The following EGFLAM variants were observed in gnomAD, a reference collection of about 807,000 sequenced individuals.
EGFLAM encodes the protein EGF like, fibronectin type III and laminin G domains.
EGFLAM carries 79 observed loss-of-function variants against 113.1 expected under a neutral mutation model. The observed-to-expected ratio is 0.70, with a 90% CI of 0.58 to 0.84. The LOEUF (loss-of-function observed/expected upper bound fraction) is 0.84. Among genes scored for constraint, EGFLAM ranks in the 40% least tolerant of loss-of-function variants. The pLI, the probability that EGFLAM is intolerant of heterozygous loss-of-function variation, is 0.00. For synonymous variants in EGFLAM, 504 were observed against 487.6 expected (o/e 1.03, Z -0.44); for missense variants, 1,265 against 1,291.6 (o/e 0.98, Z 0.32).
intron 14 of EGFLAM, among the ~76,000 whole-genome samples, chr5:38,427,964 C>T (rs1318957934): frequency 1.9e-4 from 29 of 152,124 alleles, no homozygotes; most frequent in Non-Finnish European, 2.9e-5. Flanking sequence ...TTCCTTGGAG[C>T]CTGTAGTTGG....
intron 9 of EGFLAM, 109 bp from the exon 10 acceptor site, chr5:38,408,895 G>C (rs1741379013): frequency 1.1e-6 from 1 of 904,580 alleles, no homozygotes; most frequent in African/African-American, 1.7e-5. Context: ...TTGTAGATAG[G>C]ATCGTGGAGG....
intron 5 of EGFLAM, among the ~76,000 whole-genome samples, chr5:38,366,190 G>C (rs947539553): frequency 2.6e-5 from 4 of 152,150 alleles, no homozygotes; most frequent in African/African-American, 7.2e-5. Context: ...TGGGTCTAGA[G>C]CAACTTCTGC....
intron 20 of EGFLAM, among the ~76,000 whole-genome samples, chr5:38,458,695 T>G (rs536030872): frequency 1.3e-5 from 2 of 152,234 alleles, no homozygotes; most frequent in African/African-American, 4.8e-5. Flanking sequence ...TTAAAGAATG[T>G]TTGGGCCGGG....
In EGFLAM at chr5:38,448,325, C is replaced by T. The variant is rs1008245666; in HGVS notation, c.2489C>T (p.Pro830Leu). 15 of 1,613,980 alleles carry T rather than the reference C, an allele frequency of 9.3e-6. No homozygotes were observed. Among genetic ancestry groups the T allele is most frequent in the East Asian group, 2.2e-5 (1 of 44,898 alleles). The change falls in exon 18 of 22, where the codon CCG becomes CTG. Residue 830 changes from proline (P) to leucine (L), a missense_variant. Transcript: ENST00000322350. ...QKAIIEAIEIPQFIGRSYLTY... is the reference protein window; with the variant it reads ...QKAIIEAIEILQFIGRSYLTY... Reference sequence around the variant, plus strand: ...GCGATCATAGAAGCCATTGAGATCCCGCAGTTTATCGGCCGCAGTTACCTG... The same window carrying T: ...GCGATCATAGAAGCCATTGAGATCCTGCAGTTTATCGGCCGCAGTTACCTG...
intron 6 of EGFLAM, among the ~76,000 whole-genome samples, chr5:38,386,570 A>G (rs747472076): frequency 6.6e-6 from 1 of 151,938 alleles, no homozygotes; most frequent in African/African-American, 2.4e-5. Flanking sequence ...GCAGTGGCAC[A>G]GTCTTGGCTC....
At chr5:38,440,440 G>T (rs1323066562) in intron 17 of EGFLAM, among the ~76,000 whole-genome samples, 2 of 152,164 alleles carry the variant, frequency 1.3e-5, no homozygotes, top group African/African-American at 2.4e-5. Context: ...GGTACCAATT[G>T]TGGGCAGTTG....
intron 6 of EGFLAM, among the ~76,000 whole-genome samples, chr5:38,392,155 G>A (rs866754435): frequency 3.3e-5 from 5 of 151,958 alleles, no homozygotes; most frequent in African/African-American, 4.8e-5. Context: ...TTTCTTCTTC[G>A]TGTTCATAAG....
chr5:38,329,452 T>C (rs1296223792), intron 1 of EGFLAM, among the ~76,000 whole-genome samples: 1 of 152,184 alleles, frequency 6.6e-6, no homozygotes, highest in East Asian at 1.9e-4. Context: ...CTGGGCCACC[T>C]CTCACTCACC....
chr5:38,296,895 G>A (rs926048344), intron 1 of EGFLAM, among the ~76,000 whole-genome samples: 1 of 152,008 alleles, frequency 6.6e-6, no homozygotes, highest in African/African-American at 2.4e-5. Context: ...AGGCACTTCT[G>A]TGGTATTCCT....
At chr5:38,463,794 C>A in intron 21 of EGFLAM, 38 bp from the exon 22 acceptor site, 2 of 1,606,948 alleles carry the variant, frequency 1.2e-6, no homozygotes, top group Non-Finnish European at 1.7e-6. Flanking sequence ...GGACACCTGT[C>A]CTTTGGCTCA....
At chr5:38,356,314 C>T (rs1197927256) in intron 5 of EGFLAM, among the ~76,000 whole-genome samples, 1 of 152,186 alleles carries the variant, frequency 6.6e-6, no homozygotes, top group African/African-American at 2.4e-5. Context: ...TCTCAGAACC[C>T]CTATTTCCTC....
chr5:38,456,012 G>A (rs935298429), intron 19 of EGFLAM, among the ~76,000 whole-genome samples: 2 of 152,116 alleles, frequency 1.3e-5, no homozygotes, highest in Admixed American at 6.6e-5. Context: ...TTTCACACAT[G>A]GCTAGTCTTC....
chr5:38,450,465 A>G (rs1483010562), intron 18 of EGFLAM, among the ~76,000 whole-genome samples: 3 of 152,222 alleles, frequency 2.0e-5, no homozygotes, highest in African/African-American at 4.8e-5. Context: ...TGAGACAGAC[A>G]GAGGGATGGC....
At chr5:38,338,656 G>C (rs767191216) in intron 2 of EGFLAM, 42 bp from the exon 3 acceptor site, 3 of 1,591,030 alleles carry the variant, frequency 1.9e-6, no homozygotes, top group Non-Finnish European at 2.6e-6. Context: ...TCTTACACAA[G>C]CACGGGCTCT....
intron 15 of EGFLAM, among the ~76,000 whole-genome samples, chr5:38,432,303 G>A (rs1487089615): frequency 6.6e-6 from 1 of 152,132 alleles, no homozygotes; most frequent in Non-Finnish European, 1.5e-5. Context: ...TACTTGACTG[G>A]AGAGAGAAGA....
At chr5:38,328,405 C>T (rs555729794) in intron 1 of EGFLAM, among the ~76,000 whole-genome samples, 57 of 152,150 alleles carry the variant, frequency 3.7e-4, no homozygotes, top group Non-Finnish European at 7.1e-4. Flanking sequence ...TATTAGTAGC[C>T]TTCTCTTCTT....
At chr5:38,318,005 G>A (rs1738645069) in intron 1 of EGFLAM, among the ~76,000 whole-genome samples, 1 of 152,162 alleles carries the variant, frequency 6.6e-6, no homozygotes, top group South Asian at 2.1e-4. Flanking sequence ...TCACCCATGA[G>A]TTAATGCAGT....
In EGFLAM at chr5:38,438,285, AT is replaced by A. The variant is rs1400300894; in HGVS notation, c.2295del (p.Asn765LysfsTer7). On this transcript the variant is annotated frameshift_variant, in exon 17 of 22. Transcript: ENST00000322350. LOFTEE classifies it high-confidence loss of function. ...TTTTTCTCTCTCAAGATCATCCTGA[AT>A]GACCGAACCATCCATGTGAAGCATG... ...FSGSIQKIIL[N>X]DRTIHVKHDF... The A allele has an allele frequency of 6.2e-7, 1 of 1,612,764 alleles. No individual in the cohort carries two copies. The highest frequency in any genetic ancestry group is 8.5e-7 in the Non-Finnish European group (1 of 1,179,296).
At chr5:38,348,830 G>T (rs896516671) in intron 3 of EGFLAM, among the ~76,000 whole-genome samples, 1 of 152,114 alleles carries the variant, frequency 6.6e-6, no homozygotes, top group African/African-American at 2.4e-5. Context: ...GGGAACAGAT[G>T]GGGCAGTTCA....
Sources: gnomAD v4.1 joint callset for allele counts (sites outside exome capture counted in the v4.1 genomes callset) on GRCh38, gnomAD v4.1.1 for gene constraint, MANE v1.5 for transcripts, NCBI Gene and HGNC (gene_info 2026-07-23, HGNC 2026-07-21) for gene names.